Variants in ZBBX observed in about 807,000 individuals in gnomAD.
ZBBX encodes the protein zinc finger B-box domain-containing protein 1.
In ZBBX, 101 loss-of-function variants were observed where a neutral mutation model predicts 108.5. The observed-to-expected ratio is 0.93, with a 90% CI of 0.79 to 1.10. ZBBX has a LOEUF of 1.10. Among genes scored for constraint, ZBBX ranks in the 50% least tolerant of loss-of-function variants. ZBBX has a pLI of 0.00. For missense variants in ZBBX, 1,009 were observed against 941.4 expected, an observed-to-expected ratio of 1.07 and a Z score of -0.94; for synonymous variants, 356 against 323.4, an observed-to-expected ratio of 1.10 and a Z score of -1.08.
At chr3:167,354,446 T>G (rs1743189513) in intron 8 of ZBBX, among the ~76,000 whole-genome samples, 1 of 151,900 alleles carries the variant, frequency 6.6e-6, no homozygotes, top group African/African-American at 2.4e-5. Flanking sequence ...ATGTATGTTT[T>G]TCAAGTGTGA....
Position 167,328,026 on chromosome 3 carries a change from G to C in ZBBX, c.778C>G (p.Gln260Glu). Reference protein sequence around the residue: ...EGSFDEEASAQSFQEVLSQWR... With the variant: ...EGSFDEEASAESFQEVLSQWR... ...TGACTTAACACTTCCTGAAAGGACT[G>C]TGCAGAAGCTTCTTCATCGAATGAC... is the stretch of plus-strand genomic sequence containing the variant. Residue 260 changes from glutamine (Q) to glutamate (E), a missense_variant, in exon 11 of 22, where the codon CAG becomes GAG. Transcript: ENST00000675490. 1 of 1,612,842 alleles carries C rather than the reference G, an allele frequency of 6.2e-7. No homozygotes were observed. Among genetic ancestry groups the C allele is most frequent in the Non-Finnish European group, 8.5e-7 (1 of 1,179,726 alleles).
chr3:167,303,753 T>C (rs1733121817), intron 17 of ZBBX, among the ~76,000 whole-genome samples: 1 of 152,244 alleles, frequency 6.6e-6, no homozygotes, highest in Admixed American at 6.5e-5. Context: ...GAGAATTTAA[T>C]GTCAATCTAG....
chr3:167,233,885 G>A, the ZBBX span, among the ~76,000 whole-genome samples: 3 of 151,792 alleles, frequency 2.0e-5, no homozygotes, highest in Non-Finnish European at 2.9e-5. Flanking sequence ...AACAGCCTGA[G>A]AAGGGGGCCC....
At chr3:167,319,725 T>C (rs1330654251) in intron 12 of ZBBX, among the ~76,000 whole-genome samples, 1 of 152,046 alleles carries the variant, frequency 6.6e-6, no homozygotes, top group Non-Finnish European at 1.5e-5. Context: ...TTGAAATTAA[T>C]TGTCCCTTGT....
At chr3:167,216,825 A>G in the ZBBX span, among the ~76,000 whole-genome samples, 107 of 152,316 alleles carry the variant, frequency 7.0e-4, 2 homozygotes, top group East Asian at 0.015. Flanking sequence ...CTGCACGTCT[A>G]TGATCATCTG....
chr3:167,295,750 TATATATATAA>T (rs1232980814), intron 18 of ZBBX, among the ~76,000 whole-genome samples: 1,729 of 21,272 alleles, frequency 0.081, 187 homozygotes, highest in Non-Finnish European at 0.095. Flanking sequence ...TATATATATA[TATATATATAA>T]AAAAAACTAG....
intron 1 of ZBBX, among the ~76,000 whole-genome samples, chr3:167,387,984 C>A (rs1008847095): frequency 6.6e-6 from 1 of 152,006 alleles, no homozygotes; most frequent in African/African-American, 2.4e-5. Flanking sequence ...TGGAAGCTGG[C>A]ACCTTGAACA....
At chr3:167,238,382 A>G (rs1720318092), downstream of ZBBX, among the ~76,000 whole-genome samples, 1 of 152,036 alleles carries the variant, frequency 6.6e-6, no homozygotes, top group Admixed American at 6.6e-5. Flanking sequence ...TATTCTGATA[A>G]TATTACTTGC....
rs774052728 is a variant in ZBBX, at chr3:167,282,491, C to A, written c.2001G>T (p.Gln667His). 2.6e-5 allele frequency: 41 copies of A among 1,597,828 alleles called. No individual in the cohort carries two copies. The highest frequency in any genetic ancestry group is 3.4e-5 in the Non-Finnish European group (40 of 1,174,606). ...SSSRKQQKMG[Q>H]KSQRPSTANF... ...TTGCTGTTGAAGGTCTCTGTGATTT[C>A]TGACCTAAAATTAAAAGTAAAAAGT... The change falls in exon 20 of 22, where the codon CAG becomes CAT. Residue 667 changes from glutamine to histidine, a missense_variant. Coordinates refer to ENST00000675490, the MANE Select transcript of ZBBX (RefSeq NM_001199201.2).
chr3:167,348,219 A>AAGGG (rs71176639), intron 9 of ZBBX, among the ~76,000 whole-genome samples: 93,548 of 114,856 alleles, frequency 0.81, 38,651 homozygotes, highest in East Asian at 0.92. Flanking sequence ...GGAAGGAAGC[A>AAGGG]AGGGAGGGAG....
At chr3:167,314,180 A>T in intron 15 of ZBBX, 64 bp from the exon 16 acceptor site, 1 of 1,419,102 alleles carries the variant, frequency 7.0e-7, no homozygotes, top group Non-Finnish European at 9.4e-7. Flanking sequence ...AGAAAATTTT[A>T]AAAGTCCCAA....
chr3:167,203,432 A>G, the ZBBX span, among the ~76,000 whole-genome samples: 3 of 152,138 alleles, frequency 2.0e-5, no homozygotes, highest in African/African-American at 4.8e-5. Flanking sequence ...GACATAATGT[A>G]GCCCATAACA....
intron 20 of ZBBX, among the ~76,000 whole-genome samples, chr3:167,256,438 T>C (rs1166531318): frequency 6.6e-6 from 1 of 152,160 alleles, no homozygotes; most frequent in Non-Finnish European, 1.5e-5. Context: ...TTCAAGCACT[T>C]ATTATTTGAG....
chr3:167,338,541 C>CG (rs1553825420), intron 9 of ZBBX, among the ~76,000 whole-genome samples: 1 of 148,392 alleles, frequency 6.7e-6, no homozygotes, highest in Non-Finnish European at 1.5e-5. Flanking sequence ...AGTTCCAGAT[C>CG]AAAAAAAAAA....
At chr3:167,381,401 T>C (rs140353896), upstream of ZBBX, 1 of 152,272 alleles carries the variant, frequency 6.6e-6, no homozygotes, top group East Asian at 1.9e-4. Flanking sequence ...AGTCCATACG[T>C]AATGTAGTAT....
intron 18 of ZBBX, among the ~76,000 whole-genome samples, chr3:167,290,827 T>C (rs1273954053): frequency 6.6e-6 from 1 of 152,106 alleles, no homozygotes; most frequent in African/African-American, 2.4e-5. Context: ...TTAGTCAAAT[T>C]GCTAACTGGA....
chr3:167,222,674 T>G, the ZBBX span, among the ~76,000 whole-genome samples: 2 of 152,008 alleles, frequency 1.3e-5, no homozygotes, highest in Non-Finnish European at 2.9e-5. Context: ...ATATCTCATG[T>G]ACCTCATAAA....
intron 19 of ZBBX, among the ~76,000 whole-genome samples, chr3:167,288,075 A>G (rs1360181303): frequency 6.6e-6 from 1 of 152,070 alleles, no homozygotes; most frequent in Non-Finnish European, 1.5e-5. Context: ...TATTACTTAC[A>G]TATCTCTTTT....
At chr3:167,305,140 C>T (rs1576946387) in intron 17 of ZBBX, among the ~76,000 whole-genome samples, 2 of 150,004 alleles carry the variant, frequency 1.3e-5, no homozygotes, top group Admixed American at 6.6e-5. Flanking sequence ...GCTACTTTAC[C>T]TTTCCTATGA....
Sources: gnomAD v4.1 joint callset for allele counts (sites outside exome capture counted in the v4.1 genomes callset) on GRCh38, gnomAD v4.1.1 for gene constraint, MANE v1.5 for transcripts, NCBI Gene and HGNC (gene_info 2026-07-23, HGNC 2026-07-21) for gene names.